HPSE2: variants seen among roughly 807,000 people sequenced by gnomAD.
HPSE2 encodes heparanase 2 (inactive).
A neutral mutation model predicts 60.5 loss-of-function variants in HPSE2; 38 were observed. That is an observed-to-expected ratio of 0.63 (90% CI 0.48 to 0.82). The LOEUF (loss-of-function observed/expected upper bound fraction) is 0.82. Among genes scored for constraint, HPSE2 ranks in the 40% least tolerant of loss-of-function variants. The pLI is 0.00. For synonymous variants in HPSE2, 295 were observed against 293.2 expected (o/e 1.01, Z -0.06); for missense variants, 713 against 740.4 (o/e 0.96, Z 0.43).
intron 3 of HPSE2, among the ~76,000 whole-genome samples, chr10:98,940,801 T>A (rs1954972407): frequency 7.1e-6 from 1 of 141,632 alleles, no homozygotes; most frequent in African/African-American, 2.9e-5. Context: ...TTTAAACCAA[T>A]ATCCTTGATG....
intron 4 of HPSE2, among the ~76,000 whole-genome samples, chr10:98,742,459 T>G (rs1949521473): frequency 6.6e-6 from 1 of 151,816 alleles, no homozygotes; most frequent in Non-Finnish European, 1.5e-5. Flanking sequence ...ATAAGACTGT[T>G]AATGAAAATG....
At chr10:98,733,834 T>C (rs10883182) in intron 4 of HPSE2, among the ~76,000 whole-genome samples, 144,032 of 152,252 alleles carry the variant, frequency 0.95, 68,620 homozygotes, top group East Asian at 1. Flanking sequence ...AAGATAAACA[T>C]GTTATTCTTT....
chr10:98,897,489 T>G (rs550411042), intron 3 of HPSE2, among the ~76,000 whole-genome samples: 38 of 152,052 alleles, frequency 2.5e-4, no homozygotes, highest in Non-Finnish European at 4.3e-4. Flanking sequence ...AAAATGACAG[T>G]AATCAAGACA....
At position 99,032,255 on chromosome 10, in the gene HPSE2, T is replaced by G. The variant is rs1237637074; in HGVS notation, c.610+111983A>C. ...TTAGAAAATGTCTTCAATTGGCAATTACTTCCTGAGATCATGATGTCCCCT... is the reference window on the plus strand; with the variant it reads ...TTAGAAAATGTCTTCAATTGGCAATGACTTCCTGAGATCATGATGTCCCCT... On this transcript the variant is annotated intron_variant, in intron 3 of 11. Transcript: ENST00000370552. Among the ~76,000 whole-genome samples, 4 of 152,160 alleles carry G rather than the reference T, an allele frequency of 2.6e-5. No individual in the cohort carries two copies. In the East Asian group the frequency reaches 7.7e-4, roughly 29 times the overall value.
chr10:99,217,772 G>T (rs150072246), intron 2 of HPSE2, among the ~76,000 whole-genome samples: 5 of 152,166 alleles, frequency 3.3e-5, no homozygotes, highest in African/African-American at 9.6e-5. Context: ...ATTTTGTAGA[G>T]ACGGGGTCCC....
chr10:98,572,198 C>T (rs1944517404), intron 9 of HPSE2, among the ~76,000 whole-genome samples: 1 of 152,092 alleles, frequency 6.6e-6, no homozygotes, highest in South Asian at 2.1e-4. Flanking sequence ...ACCTCAGCTC[C>T]CAAAGTGCTG....
At chr10:98,540,996 T>C (rs1943439690) in intron 9 of HPSE2, among the ~76,000 whole-genome samples, 1 of 152,196 alleles carries the variant, frequency 6.6e-6, no homozygotes, top group African/African-American at 2.4e-5. Context: ...AGAATCTTTA[T>C]TTAGGACTCC....
At chr10:99,140,688 G>A (rs1845834549) in intron 3 of HPSE2, among the ~76,000 whole-genome samples, 1 of 152,154 alleles carries the variant, frequency 6.6e-6, no homozygotes, top group South Asian at 2.1e-4. Flanking sequence ...GGTTAAGGGA[G>A]ACAACTGAAT....
At chr10:98,556,946 C>T (rs1944025039) in intron 9 of HPSE2, among the ~76,000 whole-genome samples, 1 of 152,150 alleles carries the variant, frequency 6.6e-6, no homozygotes, top group African/African-American at 2.4e-5. Context: ...CACGGTGGCT[C>T]ACACCTGTAA....
intron 3 of HPSE2, among the ~76,000 whole-genome samples, chr10:98,925,592 C>T (rs1954431987): frequency 6.6e-6 from 1 of 152,150 alleles, no homozygotes; most frequent in South Asian, 2.1e-4. Flanking sequence ...GGATGAAGTG[C>T]AGGCTCTCTA....
At chr10:98,957,996 A>T (rs1368758533) in intron 3 of HPSE2, among the ~76,000 whole-genome samples, 1 of 152,160 alleles carries the variant, frequency 6.6e-6, no homozygotes, top group Non-Finnish European at 1.5e-5. Flanking sequence ...AAGAAAGGGA[A>T]CAGCTGGAGA....
chr10:98,646,584 C>G (rs1158389540), intron 6 of HPSE2, among the ~76,000 whole-genome samples: 1 of 152,092 alleles, frequency 6.6e-6, no homozygotes, highest in East Asian at 1.9e-4. Context: ...CACCCAATGC[C>G]AGCAATTCAT....
chr10:99,036,130 G>T (rs1957604355), intron 3 of HPSE2, among the ~76,000 whole-genome samples: 1 of 152,116 alleles, frequency 6.6e-6, no homozygotes, highest in Non-Finnish European at 1.5e-5. Context: ...TGGAAGAACT[G>T]CTTGGGCCTA....
chr10:98,757,530 C>A (rs542975846), intron 3 of HPSE2, among the ~76,000 whole-genome samples: 1 of 152,032 alleles, frequency 6.6e-6, no homozygotes, highest in Non-Finnish European at 1.5e-5. Flanking sequence ...GATTTCTATA[C>A]ACCAACATTG....
intron 9 of HPSE2, among the ~76,000 whole-genome samples, chr10:98,586,321 C>T (rs563573748): frequency 6.6e-6 from 1 of 152,242 alleles, no homozygotes; most frequent in East Asian, 1.9e-4. Flanking sequence ...TTACCACCAA[C>T]AGCTATGTTC....
At chr10:98,497,530 T>A (rs1194575557) in intron 9 of HPSE2, among the ~76,000 whole-genome samples, 2 of 152,214 alleles carry the variant, frequency 1.3e-5, no homozygotes, top group Non-Finnish European at 1.5e-5. Context: ...TATTTTAATA[T>A]CTACAGATTC....
intron 3 of HPSE2, among the ~76,000 whole-genome samples, chr10:99,079,787 G>A (rs140886759): frequency 1.2e-4 from 18 of 152,048 alleles, no homozygotes; most frequent in Non-Finnish European, 2.4e-4. Flanking sequence ...TGGGGGCATG[G>A]GCTATAGTGA....
At chr10:98,536,094 G>A (rs1344121909) in intron 9 of HPSE2, among the ~76,000 whole-genome samples, 1 of 152,124 alleles carries the variant, frequency 6.6e-6, no homozygotes, top group African/African-American at 2.4e-5. Flanking sequence ...AGCTGGTCTG[G>A]GGCTACCCCT....
At chr10:98,830,821 A>C (rs1019511082) in intron 3 of HPSE2, among the ~76,000 whole-genome samples, 4 of 152,214 alleles carry the variant, frequency 2.6e-5, no homozygotes, top group African/African-American at 7.2e-5. Context: ...AATCAATGGG[A>C]AAGGAAGGCC....
Sources: allele counts gnomAD v4.1 joint callset (sites outside exome capture counted in the v4.1 genomes callset), GRCh38; gene constraint gnomAD v4.1.1; transcripts MANE v1.5; gene names NCBI Gene and HGNC (gene_info 2026-07-23, HGNC 2026-07-21).